The following SH3D19 variants were observed in gnomAD, a reference collection of about 807,000 sequenced individuals.
SH3D19 encodes SH3 domain containing 19.
A neutral mutation model predicts 112.1 loss-of-function variants in SH3D19; 58 were observed. That is an observed-to-expected ratio of 0.52 (90% CI 0.42 to 0.64). The LOEUF (loss-of-function observed/expected upper bound fraction) is 0.64, where lower values mean the gene tolerates loss of function less well. Ranked by LOEUF, SH3D19 falls within the 30% of genes least tolerant of loss-of-function variation. The pLI is 0.00. For synonymous variants in SH3D19, 391 were observed against 448.5 expected (o/e 0.87, Z 1.62); for missense variants, 1,090 against 1,263.4 (o/e 0.86, Z 2.08).
intron 1 of SH3D19, among the ~76,000 whole-genome samples, chr4:151,290,962 A>G (rs559004045): frequency 6.6e-6 from 1 of 152,194 alleles, no homozygotes; most frequent in Non-Finnish European, 1.5e-5. Context: ...AATTCCTGTG[A>G]TATCTCCCTA....
rs115630156 is a variant in SH3D19, at chr4:151,178,035, C to G, written c.237-1080G>C. 8.1e-3 allele frequency among the ~76,000 whole-genome samples: 1,231 copies of G among 152,306 alleles called. 14 individuals carry two copies. Among genetic ancestry groups the G allele is most frequent in the African/African-American group, 0.027 (1,132 of 41,566 alleles). On this transcript the variant is annotated intron_variant, in intron 4 of 19. Coordinates refer to ENST00000604030, the MANE Select transcript of SH3D19 (RefSeq NM_001378122.1). ...CCTCGAGCTCCCCGCCCCTCAGCTT[C>G]CTGAGTAGCTGGGACTACAGGCACA...
At chr4:151,188,839 C>T (rs1762183815) in intron 2 of SH3D19, among the ~76,000 whole-genome samples, 1 of 152,176 alleles carries the variant, frequency 6.6e-6, no homozygotes, top group South Asian at 2.1e-4. Context: ...TGTGATCTTA[C>T]TTGAAAATAG....
chr4:151,131,810 T>C (rs1170871382), intron 17 of SH3D19, among the ~76,000 whole-genome samples: 2 of 151,042 alleles, frequency 1.3e-5, no homozygotes, highest in African/African-American at 2.4e-5. Context: ...TCTCTAATCA[T>C]GTCTCTTTTA....
intron 3 of SH3D19, among the ~76,000 whole-genome samples, chr4:151,183,121 A>G (rs1349907708): frequency 6.6e-6 from 1 of 150,452 alleles, no homozygotes; most frequent in African/African-American, 2.5e-5. Flanking sequence ...CCTTCCTAGT[A>G]GCTGGGATTA....
chr4:151,256,355 T>G (rs754424742), intron 1 of SH3D19, among the ~76,000 whole-genome samples: 3 of 152,222 alleles, frequency 2.0e-5, no homozygotes, highest in Non-Finnish European at 2.9e-5. Flanking sequence ...AACATGGGCC[T>G]TGCCAAAGCA....
At chr4:151,287,702 C>T (rs2150015377) in intron 1 of SH3D19, among the ~76,000 whole-genome samples, 1 of 152,234 alleles carries the variant, frequency 6.6e-6, no homozygotes, top group South Asian at 2.1e-4. Context: ...CAAGACTAGA[C>T]TGGGCAACAT....
At chr4:151,265,584 T>C (rs898840928) in intron 1 of SH3D19, among the ~76,000 whole-genome samples, 1 of 148,010 alleles carries the variant, frequency 6.8e-6, no homozygotes, top group Non-Finnish European at 1.5e-5. Context: ...TTTTTTTTTT[T>C]TTTTTTTTTA....
chr4:151,307,198 A>T (rs1438750258), intron 1 of SH3D19, among the ~76,000 whole-genome samples: 18 of 147,174 alleles, frequency 1.2e-4, no homozygotes, highest in African/African-American at 3.3e-4. Flanking sequence ...TTTTTTTTTT[A>T]TTTTTAGTAG....
intron 1 of SH3D19, among the ~76,000 whole-genome samples, chr4:151,269,853 C>CA (rs1181701688): frequency 6.6e-6 from 1 of 151,012 alleles, no homozygotes; most frequent in South Asian, 2.1e-4. Flanking sequence ...AAAACAAAAA[C>CA]AAAAAAACTA....
At chr4:151,138,988 C>T (rs868868108) in intron 13 of SH3D19, among the ~76,000 whole-genome samples, 9 of 151,860 alleles carry the variant, frequency 5.9e-5, no homozygotes, top group African/African-American at 1.7e-4. Context: ...TCACCATGCC[C>T]GGCTACTTTT....
At chr4:151,246,947 TC>T (rs1397962057) in intron 1 of SH3D19, among the ~76,000 whole-genome samples, 2 of 152,202 alleles carry the variant, frequency 1.3e-5, no homozygotes, top group Non-Finnish European at 2.9e-5. Flanking sequence ...ATAGGATTGA[TC>T]CATGTTTAAA....
chr4:151,266,725 T>C (rs1772819958), intron 1 of SH3D19, among the ~76,000 whole-genome samples: 1 of 152,196 alleles, frequency 6.6e-6, no homozygotes, highest in Admixed American at 6.5e-5. Flanking sequence ...TCAAGTCATG[T>C]TGCTTATGGA....
chr4:151,185,284 T>C (rs982235739), intron 3 of SH3D19, among the ~76,000 whole-genome samples: 5 of 152,074 alleles, frequency 3.3e-5, no homozygotes, highest in African/African-American at 1.2e-4. Context: ...GCTGGGTTCA[T>C]TGGGTCATGC....
intron 2 of SH3D19, among the ~76,000 whole-genome samples, chr4:151,195,231 G>T (rs1239047433): frequency 6.6e-6 from 1 of 151,242 alleles, no homozygotes; most frequent in Non-Finnish European, 1.5e-5. Context: ...AATTAGCCGG[G>T]CATGATGGCG....
chr4:151,283,065 C>A, intron 1 of SH3D19: 1 of 1,559,608 alleles, frequency 6.4e-7, no homozygotes, highest in Non-Finnish European at 8.8e-7. Context: ...TGAATGCTGC[C>A]CCTGCACTTT....
intron 1 of SH3D19, among the ~76,000 whole-genome samples, chr4:151,314,934 TGA>T (rs1729845304): frequency 6.6e-6 from 1 of 152,168 alleles, no homozygotes; most frequent in Non-Finnish European, 1.5e-5. Context: ...TCTGTGCAGT[TGA>T]GTGAACCCCC....
At chr4:151,322,485 T>C (rs1437894908) in intron 1 of SH3D19, among the ~76,000 whole-genome samples, 2 of 133,094 alleles carry the variant, frequency 1.5e-5, no homozygotes, top group Non-Finnish European at 3.1e-5. Flanking sequence ...AGTACTTGAT[T>C]GCCTATAATT....
intron 2 of SH3D19, among the ~76,000 whole-genome samples, chr4:151,208,665 C>T (rs545792046): frequency 3.5e-4 from 50 of 144,912 alleles, no homozygotes; most frequent in Non-Finnish European, 5.3e-4. Context: ...CCACTGTGCC[C>T]GGCCCCAGGA....
intron 2 of SH3D19, among the ~76,000 whole-genome samples, chr4:151,221,977 A>T (rs1181197403): frequency 6.6e-6 from 1 of 152,204 alleles, no homozygotes; most frequent in Non-Finnish European, 1.5e-5. Context: ...AGAGATATTT[A>T]TTGGCTATTA....
Sources: gnomAD v4.1 joint callset for allele counts (sites outside exome capture counted in the v4.1 genomes callset) on GRCh38, gnomAD v4.1.1 for gene constraint, MANE v1.5 for transcripts, NCBI Gene and HGNC (gene_info 2026-07-23, HGNC 2026-07-21) for gene names.